The following UBQLN1 variants were observed in gnomAD, a reference collection of about 807,000 sequenced individuals.
The protein encoded by UBQLN1 is ubiquilin 1.
Under a neutral mutation model 65.4 loss-of-function variants are expected in UBQLN1, and 13 were observed. The observed-to-expected ratio is 0.20, with a 90% CI of 0.13 to 0.32. UBQLN1 has a LOEUF of 0.32. Among genes scored for constraint, UBQLN1 ranks in the 10% least tolerant of loss-of-function variants. UBQLN1 has a pLI of 1.00. For missense variants in UBQLN1, 561 were observed against 724.0 expected (o/e 0.77, Z 2.58); for synonymous variants, 267 against 247.8 (o/e 1.08, Z -0.73).
At chr9:83,704,403 T>C (rs1489128441) in intron 1 of UBQLN1, among the ~76,000 whole-genome samples, 1 of 152,264 alleles carries the variant, frequency 6.6e-6, no homozygotes, top group African/African-American at 2.4e-5. Context: ...CTACAGGTTC[T>C]CTGGTGTGGT....
intron 9 of UBQLN1, 78 bp downstream of exon 9, chr9:83,664,952 G>T: frequency 1.3e-6 from 1 of 743,228 alleles, no homozygotes. Flanking sequence ...AAAAAGGCAG[G>T]CAGAATAATA....
In UBQLN1 at chr9:83,707,848, G is replaced by A. The variant is rs1832445606; in HGVS notation, c.-169C>T. Reference sequence around the variant, plus strand: ...ACCGTAGCGGGTGTGGGGCCCCGGAGCTCGGTGCAGGCTCTGGCGCAGGCC... The same window carrying A: ...ACCGTAGCGGGTGTGGGGCCCCGGAACTCGGTGCAGGCTCTGGCGCAGGCC... On this transcript the variant is annotated 5_prime_UTR_variant, in exon 1 of 11. Coordinates refer to ENST00000376395, the MANE Select transcript of UBQLN1 (RefSeq NM_013438.5). The A allele has an allele frequency of 9.9e-7, 1 of 1,009,788 alleles. No homozygotes were observed. The highest frequency in any genetic ancestry group is 1.4e-6 in the Non-Finnish European group (1 of 733,098). 62.6% of individuals were successfully genotyped at this position (1,009,788 alleles called of 1,614,324 possible).
At chr9:83,696,992 C>T (rs1485740426) in intron 1 of UBQLN1, among the ~76,000 whole-genome samples, 2 of 151,864 alleles carry the variant, frequency 1.3e-5, no homozygotes, top group Non-Finnish European at 2.9e-5. Context: ...CCCAGGCTGG[C>T]GTGGAACTCT....
At chr9:83,706,150 G>A (rs1027002351) in intron 1 of UBQLN1, among the ~76,000 whole-genome samples, 9 of 152,246 alleles carry the variant, frequency 5.9e-5, no homozygotes, top group Non-Finnish European at 1.2e-4. Flanking sequence ...AAATGAAGTT[G>A]AACTTAGGCA....
At chr9:83,668,648 GA>G in intron 7 of UBQLN1, 1 of 985,320 alleles carries the variant, frequency 1.0e-6, no homozygotes. Flanking sequence ...AAACAAATTA[GA>G]AAAAGGAATA....
intron 6 of UBQLN1, among the ~76,000 whole-genome samples, chr9:83,673,051 G>A (rs1484185762): frequency 1.3e-5 from 2 of 152,148 alleles, no homozygotes; most frequent in Non-Finnish European, 1.5e-5. Context: ...CCAACATGGC[G>A]AAACCCCGTC....
intron 2 of UBQLN1, among the ~76,000 whole-genome samples, chr9:83,685,284 C>T: frequency 6.6e-6 from 1 of 152,102 alleles, no homozygotes. Context: ...CAATGCTACA[C>T]CACCAACACT....
At chr9:83,668,709 A>G in intron 7 of UBQLN1, 1 of 866,730 alleles carries the variant, frequency 1.2e-6, no homozygotes, top group Non-Finnish European at 1.4e-6. Flanking sequence ...TCAATAGTTG[A>G]AAGAAGGAGA....
chr9:83,680,177 C>T, intron 3 of UBQLN1, 140 bp from the exon 4 acceptor site: 1 of 929,034 alleles, frequency 1.1e-6, no homozygotes, highest in South Asian at 2.4e-5. Flanking sequence ...AAATCGAATA[C>T]CTATTACTAA....
intron 1 of UBQLN1, among the ~76,000 whole-genome samples, chr9:83,699,507 T>C (rs2131186628): frequency 6.6e-6 from 1 of 152,192 alleles, no homozygotes; most frequent in Non-Finnish European, 1.5e-5. Context: ...TTTATTTTTT[T>C]GTAGACAGGC....
At chr9:83,682,083 G>A (rs1475770077) in intron 3 of UBQLN1, among the ~76,000 whole-genome samples, 1 of 152,148 alleles carries the variant, frequency 6.6e-6, no homozygotes, top group African/African-American at 2.4e-5. Context: ...AGGAGATCTA[G>A]ACCATCCTGG....
intron 3 of UBQLN1, among the ~76,000 whole-genome samples, chr9:83,680,497 A>G (rs1197185794): frequency 2.0e-5 from 3 of 152,244 alleles, no homozygotes; most frequent in Non-Finnish European, 4.4e-5. Context: ...CCACCAAGAA[A>G]GTAAGGGTAG....
In UBQLN1 at chr9:83,669,184, C is replaced by T; in HGVS notation, c.1248+1G>A. On this transcript the variant is annotated splice_donor_variant, in intron 7 of 10. Coordinates refer to ENST00000376395, the MANE Select transcript of UBQLN1 (RefSeq NM_013438.5). LOFTEE classifies it high-confidence loss of function. The stretch of plus-strand genomic sequence containing the variant: ...CTTTTTCAATACAATTACAAACTCA[C>T]CTGTGCAGCAAGGTCAGGATTCTGG... 6.2e-7 allele frequency: 1 copy of T among 1,605,178 alleles called. No homozygotes were observed. Among genetic ancestry groups the T allele is most frequent in the Non-Finnish European group, 8.5e-7 (1 of 1,178,188 alleles).
intron 1 of UBQLN1, among the ~76,000 whole-genome samples, chr9:83,694,776 ACT>A (rs1373591418): frequency 1.3e-5 from 2 of 152,092 alleles, no homozygotes; most frequent in African/African-American, 4.8e-5. Context: ...AATCATATAA[ACT>A]CTGAGTCAGG....
Position 83,663,870 on chromosome 9 carries a change from G to A in UBQLN1, c.1617+5C>T. The A allele has an allele frequency of 6.2e-7, 1 of 1,611,168 alleles. No homozygotes were observed. The highest frequency in any genetic ancestry group is 1.1e-5 in the South Asian group (1 of 90,564). On this transcript the variant is annotated splice_donor_5th_base_variant and intron_variant, in intron 10 of 10. Coordinates refer to ENST00000376395, the MANE Select transcript of UBQLN1 (RefSeq NM_013438.5). ...TACAAAACTTGAATGGAAAAGAACT[G>A]ATACCTGAGGATTTACTCCAGCAAG...
intron 1 of UBQLN1, among the ~76,000 whole-genome samples, chr9:83,686,519 G>A (rs1832042699): frequency 6.6e-6 from 1 of 152,064 alleles, no homozygotes; most frequent in Non-Finnish European, 1.5e-5. Context: ...TCCTACTATA[G>A]GTGCACATAT....
intron 9 of UBQLN1, 84 bp downstream of exon 9, chr9:83,664,946 A>AT: frequency 2.4e-5 from 17 of 697,782 alleles, no homozygotes; most frequent in Non-Finnish European, 3.5e-5. Flanking sequence ...AAAAAAAAAA[A>AT]GGCAGGCAGA....
chr9:83,682,604 G>C (rs1265186177), intron 3 of UBQLN1, among the ~76,000 whole-genome samples: 1 of 152,194 alleles, frequency 6.6e-6, no homozygotes, highest in African/African-American at 2.4e-5. Flanking sequence ...AACTAATGCA[G>C]TCTGATCCCT....
chr9:83,669,410 G>T, intron 6 of UBQLN1, 83 bp from the exon 7 acceptor site: 2 of 1,288,706 alleles, frequency 1.6e-6, no homozygotes, highest in Non-Finnish European at 2.1e-6. Context: ...TATGCACTGT[G>T]TTTAATTTCA....
Sources: allele counts gnomAD v4.1 joint callset (sites outside exome capture counted in the v4.1 genomes callset), GRCh38; gene constraint gnomAD v4.1.1; transcripts MANE v1.5; gene names NCBI Gene and HGNC (gene_info 2026-07-23, HGNC 2026-07-21).